The following MYO9A variants were observed in gnomAD, a reference collection of about 807,000 sequenced individuals.
MYO9A encodes the protein myosin IXA.
MYO9A carries 103 observed loss-of-function variants against 293.3 expected under a neutral mutation model. The ratio of observed to expected loss-of-function variants is 0.35; its 90% CI spans 0.30 to 0.41. The LOEUF (loss-of-function observed/expected upper bound fraction) is 0.41. MYO9A is among the 10% of genes least tolerant of loss of function. The pLI is 1.00. For missense variants in MYO9A, 2,685 were observed against 3,033.0 expected (o/e 0.89, Z 2.69); for synonymous variants, 1,001 against 1,035.7 (o/e 0.97, Z 0.64).
intron 8 of MYO9A, among the ~76,000 whole-genome samples, chr15:72,006,649 C>G (rs1032300919): frequency 3.3e-5 from 5 of 152,048 alleles, no homozygotes; most frequent in Non-Finnish European, 7.4e-5. Flanking sequence ...AACCAAATAG[C>G]ATGAAGAGTG....
chr15:71,910,168 G>GTA (rs377474158), intron 19 of MYO9A, among the ~76,000 whole-genome samples: 1,668 of 128,306 alleles, frequency 0.013, 37 homozygotes, highest in African/African-American at 0.021. Context: ...ATATATACGT[G>GTA]TATATATATA....
chr15:71,835,731 T>TA (rs1381384029), intron 39 of MYO9A, among the ~76,000 whole-genome samples: 2 of 152,188 alleles, frequency 1.3e-5, no homozygotes, highest in South Asian at 2.1e-4. Context: ...GCAATCCCAA[T>TA]AAAAATCCCA....
chr15:72,021,088 G>T, intron 4 of MYO9A, 71 bp from the exon 5 acceptor site: 1 of 877,200 alleles, frequency 1.1e-6, no homozygotes, highest in Non-Finnish European at 1.7e-6. Context: ...GGGGAGGGGG[G>T]AAGCAAACAG....
intron 12 of MYO9A, among the ~76,000 whole-genome samples, chr15:71,971,801 A>T (rs912813561): frequency 1.0e-4 from 15 of 150,006 alleles, no homozygotes; most frequent in African/African-American, 3.4e-4. Flanking sequence ...ATAAATATAT[A>T]TATTTATTTT....
chr15:72,060,835 T>C (rs1490592529), intron 1 of MYO9A, among the ~76,000 whole-genome samples: 1 of 152,122 alleles, frequency 6.6e-6, no homozygotes, highest in African/African-American at 2.4e-5. Flanking sequence ...GAGGTGCACA[T>C]GACCCAGTGA....
intron 1 of MYO9A, among the ~76,000 whole-genome samples, chr15:72,060,417 T>TA (rs1426815303): frequency 6.6e-6 from 1 of 151,912 alleles, no homozygotes; most frequent in African/African-American, 2.4e-5. Flanking sequence ...AAAAAATAAA[T>TA]AAAAAATAAA....
At position 72,027,727 on chromosome 15, in the gene MYO9A, G is replaced by A. The variant is rs367985720; in HGVS notation, c.998+4C>T. The A allele has an allele frequency of 2.5e-5, 40 of 1,598,658 alleles. No homozygotes were observed. The African/African-American group carries it at 4.0e-4, about 16-fold the overall frequency. On this transcript the variant is annotated splice_donor_region_variant and intron_variant, in intron 4 of 41. Transcript: ENST00000356056. ...CATCTAATTACACAAATAAAAATAC[G>A]TACCGTTCATTATGCTCCTGATAAA...
chr15:71,908,879 G>T (rs1341356956), intron 19 of MYO9A, among the ~76,000 whole-genome samples: 1 of 151,858 alleles, frequency 6.6e-6, no homozygotes, highest in Admixed American at 6.6e-5. Flanking sequence ...AGATTAATTT[G>T]ACTAACCTAA....
At chr15:72,023,490 C>T (rs1182665751) in intron 4 of MYO9A, among the ~76,000 whole-genome samples, 2 of 151,850 alleles carry the variant, frequency 1.3e-5, no homozygotes, top group African/African-American at 4.8e-5. Context: ...GTCAGGAGTT[C>T]GAGGCCAGCC....
intron 18 of MYO9A, among the ~76,000 whole-genome samples, chr15:71,932,115 G>C (rs2058491684): frequency 6.6e-6 from 1 of 152,210 alleles, no homozygotes; most frequent in South Asian, 2.1e-4. Flanking sequence ...ATTCCCCCTA[G>C]ACACAGCTAG....
intron 15 of MYO9A, among the ~76,000 whole-genome samples, chr15:71,942,157 T>C (rs2058793796): frequency 6.6e-6 from 1 of 151,970 alleles, no homozygotes; most frequent in Admixed American, 6.6e-5. Context: ...TATGGAAAAA[T>C]ATGTATGAAT....
At chr15:71,836,276 C>T (rs565458116) in intron 39 of MYO9A, among the ~76,000 whole-genome samples, 76 of 152,076 alleles carry the variant, frequency 5.0e-4, no homozygotes, top group African/African-American at 1.8e-3. Context: ...TATATATACA[C>T]ACACATTATA....
intron 2 of MYO9A, chr15:72,041,299 C>T: frequency 2.3e-6 from 2 of 857,704 alleles, no homozygotes; most frequent in South Asian, 2.6e-5. Flanking sequence ...TTGCCTAGTT[C>T]ACTTTCTGGC....
rs761775932 is a variant in MYO9A, at chr15:71,897,717, G to T, written c.4786C>A (p.Pro1596Thr). The T allele has an allele frequency of 3.1e-6, 5 of 1,613,958 alleles. No individual in the cohort carries two copies. The South Asian group carries it at 3.3e-5, about 11-fold the overall frequency. The change falls in exon 25 of 42, where the codon CCA becomes ACA. Residue 1596 changes from proline (P) to threonine (T), a missense_variant. Physicochemically the swap from Pro to Thr is conservative, Grantham distance 38. Transcript: ENST00000356056. Reference sequence around the variant, plus strand: ...AACACGGTGACAGGTCGGTCCTTTGGGGGTAAGTGAGCAGAGGAACTGTCT... The same window carrying T: ...AACACGGTGACAGGTCGGTCCTTTGTGGGTAAGTGAGCAGAGGAACTGTCT... ...QKDSSSAHLP[P>T]KDRPVTVFFE...
chr15:71,875,756 T>C, intron 32 of MYO9A, 35 bp downstream of exon 32: 2 of 1,172,646 alleles, frequency 1.7e-6, no homozygotes, highest in South Asian at 2.7e-5. Context: ...ATCTGAAAAT[T>C]ACTTTTTTAA....
Position 72,046,649 on chromosome 15 carries a change from A to T in MYO9A, c.-71-15T>A. ...TGGTAAAATAACTGTAACATAAAAG[A>T]TGCAAAATATTTAGAAGTAAATACA... On this transcript the variant is annotated splice_polypyrimidine_tract_variant and intron_variant, in intron 1 of 41. Coordinates refer to ENST00000356056, the MANE Select transcript of MYO9A (RefSeq NM_006901.4). The T allele has an allele frequency of 6.9e-7, 1 of 1,441,320 alleles. No individual in the cohort carries two copies. The highest frequency in any genetic ancestry group is 9.2e-7 in the Non-Finnish European group (1 of 1,089,068). The allele number at this position is 1,441,320 out of a possible 1,614,324, so 89.3% of individuals were successfully genotyped here. A position where few individuals can be genotyped will look rare whatever the true frequency, so the allele number is the denominator to read the frequency against.
At chr15:72,014,722 AAGAGAAGAG>A (rs1169974876) in intron 6 of MYO9A, among the ~76,000 whole-genome samples, 3 of 151,396 alleles carry the variant, frequency 2.0e-5, no homozygotes, top group Non-Finnish European at 4.4e-5. Context: ...AAAAGAAAAG[AAGAGAAGAG>A]AGAGAGAGAG....
intron 4 of MYO9A, among the ~76,000 whole-genome samples, chr15:72,025,300 C>T (rs1255583579): frequency 6.6e-6 from 1 of 152,056 alleles, no homozygotes; most frequent in East Asian, 1.9e-4. Context: ...ATCAAGAAGA[C>T]ATAACAATTT....
intron 15 of MYO9A, among the ~76,000 whole-genome samples, chr15:71,939,633 A>G (rs1426801506): frequency 6.6e-6 from 1 of 152,242 alleles, no homozygotes; most frequent in African/African-American, 2.4e-5. Context: ...ATGAGTATCA[A>G]TGTATTGAGA....
Sources: allele counts gnomAD v4.1 joint callset (sites outside exome capture counted in the v4.1 genomes callset), GRCh38; gene constraint gnomAD v4.1.1; transcripts MANE v1.5; gene names NCBI Gene and HGNC (gene_info 2026-07-23, HGNC 2026-07-21).